Variants in DNAJC18 observed in about 807,000 individuals in gnomAD.
DNAJC18 encodes the protein dnaJ homolog subfamily C member 18.
DNAJC18 carries 40 observed loss-of-function variants against 48.6 expected under a neutral mutation model. The observed-to-expected ratio is 0.82, with a 90% CI of 0.64 to 1.07. The LOEUF is 1.07. DNAJC18 is among the 50% of genes least tolerant of loss of function. DNAJC18 has a pLI of 0.00. For missense variants in DNAJC18, 340 were observed against 427.7 expected, an observed-to-expected ratio of 0.79 and a Z score of 1.81; for synonymous variants, 135 against 152.2, an observed-to-expected ratio of 0.89 and a Z score of 0.83.
intron 2 of DNAJC18, among the ~76,000 whole-genome samples, chr5:139,434,511 C>T (rs536055550): frequency 1.6e-4 from 24 of 152,062 alleles, no homozygotes; most frequent in Non-Finnish European, 2.6e-4. Context: ...TTAGTAGAGA[C>T]AGGGCCTCGC....
chr5:139,432,869 A>G (rs1759352096), intron 2 of DNAJC18, among the ~76,000 whole-genome samples: 1 of 152,224 alleles, frequency 6.6e-6, no homozygotes, highest in East Asian at 1.9e-4. Context: ...ACAAAATAGC[A>G]GAGTTAGCCT....
intron 1 of DNAJC18, among the ~76,000 whole-genome samples, chr5:139,438,943 C>T (rs1449653996): frequency 1.3e-5 from 2 of 152,150 alleles, no homozygotes; most frequent in African/African-American, 4.8e-5. Context: ...GCGGGGCACA[C>T]AATAGGTATT....
chr5:139,428,815 A>T, intron 2 of DNAJC18, 132 bp from the exon 3 acceptor site: 1 of 1,100,820 alleles, frequency 9.1e-7, no homozygotes, highest in Non-Finnish European at 1.3e-6. Flanking sequence ...GCACACGTTA[A>T]TGAAACATTC....
In DNAJC18 at chr5:139,413,219, G is replaced by A; in HGVS notation, c.*929C>T. ...AAAGTGGCTGCTGGGGCCAAAGCTA[G>A]ACCCCCATATCCAAGGAGAGAGGAT... On this transcript the variant is annotated 3_prime_UTR_variant, in exon 8 of 8. Transcript: ENST00000302060. 4.6e-6 allele frequency: 1 copy of A among 215,096 alleles called. No individual in the cohort carries two copies. 13.3% of individuals were successfully genotyped at this position (215,096 alleles called of 1,614,324 possible). A position where few individuals can be genotyped will look rare whatever the true frequency, so the allele number is the denominator to read the frequency against.
At chr5:139,423,802 A>G (rs977141956) in intron 5 of DNAJC18, among the ~76,000 whole-genome samples, 3 of 152,116 alleles carry the variant, frequency 2.0e-5, no homozygotes, top group Non-Finnish European at 4.4e-5. Flanking sequence ...AATTTACTTC[A>G]GATAAGGGAT....
At position 139,430,028 on chromosome 5, in the gene DNAJC18, G is replaced by C. The variant is rs190616103; in HGVS notation, c.228-1345C>G. On this transcript the variant is annotated intron_variant, in intron 2 of 7. Transcript: ENST00000302060. ...TTAGACTAGACAGTAGTTTAGATTA[G>C]AGTGGCAGTTCTGAACTTTTGATCT... 1.6e-4 allele frequency among the ~76,000 whole-genome samples: 24 copies of C among 152,296 alleles called. No homozygotes were observed. In the East Asian group the frequency reaches 4.2e-3, roughly 27 times the overall value.
chr5:139,433,324 A>G (rs928710750), intron 2 of DNAJC18, among the ~76,000 whole-genome samples: 1 of 152,022 alleles, frequency 6.6e-6, no homozygotes, highest in Non-Finnish European at 1.5e-5. Flanking sequence ...GGCGCCTGTA[A>G]TCCCAGCTAC....
rs1310464509 is a variant in DNAJC18 at position 139,426,238 on chromosome 5, C to T, written c.493G>A (p.Asp165Asn). Residue 165 changes from aspartate to asparagine, a missense_variant, in exon 4 of 8, where the codon GAT becomes AAT. Coordinates refer to ENST00000302060, the MANE Select transcript of DNAJC18 (RefSeq NM_152686.4). ...TCTGGAGTGATGTCAGCTTCAAAAT[C>T]CCTGTAATAATTATAAGGTCTGGCT... is the stretch of plus-strand genomic sequence containing the variant. ...PRARPYNYYR[D>N]FEADITPEEL... 1.2e-6 allele frequency: 2 copies of T among 1,614,090 alleles called. No individual in the cohort carries two copies. Among genetic ancestry groups the T allele is most frequent in the Non-Finnish European group, 1.7e-6 (2 of 1,180,044 alleles).
chr5:139,414,600 G>A (rs530762011), intron 7 of DNAJC18, among the ~76,000 whole-genome samples: 1 of 152,226 alleles, frequency 6.6e-6, no homozygotes, highest in African/African-American at 2.4e-5. Flanking sequence ...TCCTACAAAC[G>A]GGATTCCAAC....
chr5:139,436,863 C>T (rs1025874689), intron 2 of DNAJC18, among the ~76,000 whole-genome samples: 16 of 152,114 alleles, frequency 1.1e-4, no homozygotes. Flanking sequence ...TTTTCATTTT[C>T]ACTCATCTCA....
intron 4 of DNAJC18, 38 bp from the exon 5 acceptor site, chr5:139,425,152 C>G (rs772099092): frequency 1.3e-6 from 2 of 1,546,940 alleles, no homozygotes; most frequent in Non-Finnish European, 1.8e-6. Flanking sequence ...ATGGCAAACA[C>G]TCCTTCCCTG....
chr5:139,418,738 A>T (rs1288069650), intron 7 of DNAJC18: 1 of 456,240 alleles, frequency 2.2e-6, no homozygotes, highest in South Asian at 1.5e-5. Flanking sequence ...GTTATTCACA[A>T]TCCTCAGCAT....
Position 139,422,790 on chromosome 5 carries a change from G to T in DNAJC18, c.697C>A (p.Leu233Ile), listed in dbSNP as rs1387527461. Reference protein sequence around the residue: ...QTTYSAFIQLLPVLVIVIISV... With the variant: ...QTTYSAFIQLIPVLVIVIISV... ...ATAATCACAATCACAAGAACTGGAA[G>T]TAGCTGAATAAATGCAGAATATGTA... is the stretch of plus-strand genomic sequence containing the variant. Residue 233 changes from leucine to isoleucine, a missense_variant, in exon 6 of 8, where the codon CTT becomes ATT. Coordinates refer to ENST00000302060, the MANE Select transcript of DNAJC18 (RefSeq NM_152686.4). The T allele has an allele frequency of 1.9e-6, 3 of 1,607,672 alleles. No individual in the cohort carries two copies. The highest frequency in any genetic ancestry group is 2.5e-6 in the Non-Finnish European group (3 of 1,178,108).
Position 139,426,333 on chromosome 5 carries a change from A to G in DNAJC18, c.398T>C (p.Leu133Pro). Residue 133 changes from leucine to proline, a missense_variant, in exon 4 of 8, where the codon CTG becomes CCG. Transcript: ENST00000302060. The part of the protein sequence containing the change: ...FKAIGNAFAV[L>P]SNPDKRLRYD... ...GCGAAGTCTCTTATCAGGATTGCTC[A>G]GGACTGCAAATGCATTTCCTATTGC... 5.6e-6 allele frequency: 9 copies of G among 1,614,112 alleles called. No individual in the cohort carries two copies. The highest frequency in any genetic ancestry group is 7.6e-6 in the Non-Finnish European group (9 of 1,180,002).
rs750306047 is a variant in DNAJC18 at position 139,426,215 on chromosome 5, T to C, written c.516A>G (p.Pro172=). 9.3e-6 allele frequency: 15 copies of C among 1,614,254 alleles called. No individual in the cohort carries two copies. Among genetic ancestry groups the C allele is most frequent in the Middle Eastern group, 1.7e-4 (1 of 6,060 alleles). ...YYRDFEADIT[P]EELFNVFFGG... is the part of the protein sequence containing the mutation. ...CAAAGAAGACGTTGAACAGCTCTTC[T>C]GGAGTGATGTCAGCTTCAAAATCCC... Residue 172 remains proline (P), a synonymous_variant, in exon 4 of 8, where the codon CCA becomes CCG. Coordinates refer to ENST00000302060, the MANE Select transcript of DNAJC18 (RefSeq NM_152686.4).
chr5:139,412,758 C>G lies in DNAJC18; in HGVS notation c.*1390G>C. ...GGAGGGCTGCCTGCCTGTGAGGGAC[C>G]TCTTATTTTGTGTACAGAATTTATG... On this transcript the variant is annotated 3_prime_UTR_variant, in exon 8 of 8. Transcript: ENST00000302060. 1 of 398,624 alleles carries G rather than the reference C, an allele frequency of 2.5e-6. No homozygotes were observed. The allele number at this position is 398,624 out of a possible 1,614,324, so 24.7% of individuals were successfully genotyped here. A position where few individuals can be genotyped will look rare whatever the true frequency, so the allele number is the denominator to read the frequency against.
Position 139,414,163 on chromosome 5 carries a change from T to C in DNAJC18, c.1062A>G (p.Leu354=), listed in dbSNP as rs762583023. 3 of 1,614,136 alleles carry C rather than the reference T, an allele frequency of 1.9e-6. No homozygotes were observed. Among genetic ancestry groups the C allele is most frequent in the Non-Finnish European group, 2.5e-6 (3 of 1,180,012 alleles). ...NCEKLSKLIG[L]RRGG ...CATTATCCTCTCAGCCACCTCTGCG[T>C]AGGCCAATGAGTTTGGAAAGTTTCT... The change falls in exon 8 of 8, where the codon CTA becomes CTG. Residue 354 remains leucine, a synonymous_variant. Transcript: ENST00000302060.
In DNAJC18 at chr5:139,418,882, T is replaced by C. The variant is rs760576531; in HGVS notation, c.952+1171A>G. On this transcript the variant is annotated intron_variant, in intron 7 of 7. Transcript: ENST00000302060. Reference sequence around the variant, plus strand: ...CAAGTTCTTATTCCCAGACAGTCCATAGTCTTGCAGGGGAGACTGACATAT... The same window carrying C: ...CAAGTTCTTATTCCCAGACAGTCCACAGTCTTGCAGGGGAGACTGACATAT... 3.7e-5 allele frequency: 17 copies of C among 456,074 alleles called. No individual in the cohort carries two copies. The Middle Eastern group carries it at 1.6e-3, about 43-fold the overall frequency. The allele number at this position is 456,074 out of a possible 1,614,324, so 28.3% of individuals were successfully genotyped here.
chr5:139,433,697 A>C (rs988880493), intron 2 of DNAJC18, among the ~76,000 whole-genome samples: 5 of 152,198 alleles, frequency 3.3e-5, no homozygotes, highest in Admixed American at 6.5e-5. Flanking sequence ...TTTTTCTCAA[A>C]TGCAAATGGT....
Sources: gnomAD v4.1 joint callset for allele counts (sites outside exome capture counted in the v4.1 genomes callset) on GRCh38, gnomAD v4.1.1 for gene constraint, MANE v1.5 for transcripts, NCBI Gene and HGNC (gene_info 2026-07-23, HGNC 2026-07-21) for gene names.